The following AKR1D1 variants were observed in gnomAD, a reference collection of about 807,000 sequenced individuals.
AKR1D1 encodes delta(4)-3-ketosteroid 5-beta-reductase.
A neutral mutation model predicts 42.6 loss-of-function variants in AKR1D1; 32 were observed. That is an observed-to-expected ratio of 0.75 (90% CI 0.57 to 1.01). The LOEUF (loss-of-function observed/expected upper bound fraction) is 1.01. AKR1D1 is among the 50% of genes least tolerant of loss of function. AKR1D1 has a pLI of 0.00. For missense variants in AKR1D1, 364 were observed against 402.2 expected (o/e 0.91, Z 0.81); for synonymous variants, 123 against 135.5 (o/e 0.91, Z 0.64).
At position 138,116,808 on chromosome 7, in the gene AKR1D1, T is replaced by C; in HGVS notation, c.*146T>C. 1 of 702,572 alleles carries C rather than the reference T, an allele frequency of 1.4e-6. No homozygotes were observed. The highest frequency in any genetic ancestry group is 2.4e-6 in the Non-Finnish European group (1 of 423,224). 43.5% of individuals were successfully genotyped at this position (702,572 alleles called of 1,614,324 possible). A position where few individuals can be genotyped will look rare whatever the true frequency, so the allele number is the denominator to read the frequency against. On this transcript the variant is annotated 3_prime_UTR_variant, in exon 9 of 9. Coordinates refer to ENST00000242375, the MANE Select transcript of AKR1D1 (RefSeq NM_005989.4). ...GGAAACATGTTTAATGTTTGTGCAG[T>C]GTAAATGACTTTGACTCAGTCACAT...
chr7:138,088,719 A>C lies in AKR1D1; in HGVS notation c.212A>C (p.Lys71Thr). Reference protein sequence around the residue: ...EHEVGEAIREKIAEGKVRRED... With the variant: ...EHEVGEAIRETIAEGKVRRED... ...GAAGTTGGGGAGGCCATCAGGGAGA[A>C]GATAGCAGAAGGAAAGGTGCGGAGG... is the stretch of plus-strand genomic sequence containing the variant. The change falls in exon 2 of 9, where the codon AAG becomes ACG. Residue 71 changes from lysine to threonine, a missense_variant. Lys to Thr is a moderately conservative substitution (Grantham distance 78). Transcript: ENST00000242375. 6.2e-7 allele frequency: 1 copy of C among 1,612,854 alleles called. No homozygotes were observed. The highest frequency in any genetic ancestry group is 1.1e-5 in the South Asian group (1 of 90,786).
chr7:138,093,660 T>C (rs1235051776), intron 3 of AKR1D1, among the ~76,000 whole-genome samples: 1 of 152,068 alleles, frequency 6.6e-6, no homozygotes, highest in South Asian at 2.1e-4. Context: ...GGCGTTTTTT[T>C]ACACTTAACA....
chr7:138,104,652 C>T (rs1308386659), intron 4 of AKR1D1, among the ~76,000 whole-genome samples: 1 of 149,034 alleles, frequency 6.7e-6, no homozygotes, highest in Non-Finnish European at 1.5e-5. Flanking sequence ...CGCACTCTAG[C>T]CTGGGCAACA....
At position 138,116,805 on chromosome 7, in the gene AKR1D1, C is replaced by A; in HGVS notation, c.*143C>A. On this transcript the variant is annotated 3_prime_UTR_variant, in exon 9 of 9. Coordinates refer to ENST00000242375, the MANE Select transcript of AKR1D1 (RefSeq NM_005989.4). ...GATGGAAACATGTTTAATGTTTGTGCAGTGTAAATGACTTTGACTCAGTCA... is the reference window on the plus strand; with the variant it reads ...GATGGAAACATGTTTAATGTTTGTGAAGTGTAAATGACTTTGACTCAGTCA... The A allele has an allele frequency of 2.7e-6, 2 of 743,774 alleles. No individual in the cohort carries two copies. The highest frequency in any genetic ancestry group is 2.4e-4 in the Middle Eastern group (1 of 4,088). The allele number at this position is 743,774 out of a possible 1,614,324, so 46.1% of individuals were successfully genotyped here.
chr7:138,112,220 G>A lies in AKR1D1; in HGVS notation c.856-1470G>A, dbSNP rs1794549467. ...CCAAGACTTAAAGGAGAGGACTAGT[G>A]TTTAGCAAAAAAGAAGTCTGAGTAA... On this transcript the variant is annotated intron_variant, in intron 7 of 8. Coordinates refer to ENST00000242375, the MANE Select transcript of AKR1D1 (RefSeq NM_005989.4). Among the ~76,000 whole-genome samples the A allele has an allele frequency of 5.3e-5, 8 of 152,098 alleles. No individual in the cohort carries two copies. In the South Asian group the frequency reaches 1.7e-3, roughly 31 times the overall value.
intron 7 of AKR1D1, among the ~76,000 whole-genome samples, chr7:138,109,225 G>A (rs956331324): frequency 6.6e-6 from 1 of 152,152 alleles, no homozygotes; most frequent in African/African-American, 2.4e-5. Context: ...CTACATGATA[G>A]AATGCAACTC....
intron 2 of AKR1D1, among the ~76,000 whole-genome samples, chr7:138,091,003 C>T (rs1466372421): frequency 6.6e-6 from 1 of 152,216 alleles, no homozygotes; most frequent in African/African-American, 2.4e-5. Flanking sequence ...ACACGCATAA[C>T]CATATTCCTT....
intron 1 of AKR1D1, among the ~76,000 whole-genome samples, chr7:138,086,141 T>C (rs1328547546): frequency 1.3e-5 from 2 of 152,254 alleles, no homozygotes; most frequent in East Asian, 3.9e-4. Flanking sequence ...AAGCCGAGGC[T>C]GCAGTGAGCC....
At chr7:138,087,891 TTC>T (rs1455485639) in intron 1 of AKR1D1, among the ~76,000 whole-genome samples, 8 of 149,414 alleles carry the variant, frequency 5.4e-5, no homozygotes, top group African/African-American at 1.8e-4. Flanking sequence ...TACATTTCTT[TTC>T]TTTTTTTTTT....
At chr7:138,097,823 T>G in intron 3 of AKR1D1, 43 bp from the exon 4 acceptor site, 1 of 1,420,000 alleles carries the variant, frequency 7.0e-7, no homozygotes, top group Non-Finnish European at 9.8e-7. Context: ...TTCCCAGATA[T>G]AAATAAAATG....
At chr7:138,090,780 A>G (rs1227149571) in intron 2 of AKR1D1, among the ~76,000 whole-genome samples, 1 of 152,212 alleles carries the variant, frequency 6.6e-6, no homozygotes, top group Non-Finnish European at 1.5e-5. Flanking sequence ...TGTCTCAGAC[A>G]CTTAAGGGTA....
intron 1 of AKR1D1, among the ~76,000 whole-genome samples, chr7:138,082,257 A>C (rs1562929921): frequency 6.6e-6 from 1 of 152,148 alleles, no homozygotes; most frequent in Non-Finnish European, 1.5e-5. Context: ...TTTTGTTTAT[A>C]GAATTGCTGT....
At chr7:138,111,400 A>G (rs1794534429) in intron 7 of AKR1D1, among the ~76,000 whole-genome samples, 1 of 152,106 alleles carries the variant, frequency 6.6e-6, no homozygotes, top group Non-Finnish European at 1.5e-5. Flanking sequence ...TACCCTGACC[A>G]TCCCACTGGA....
At chr7:138,100,088 C>CAAAAAAAAAAAAAAAAAAAAAAAAAAAA (rs59361346) in intron 4 of AKR1D1, among the ~76,000 whole-genome samples, 8 of 43,568 alleles carry the variant, frequency 1.8e-4, no homozygotes, top group Non-Finnish European at 2.3e-4. Context: ...GATTTCATCT[C>CAAAAAAAAAAAAAAAAAAAAAAAAAAAA]AAAAAAAAAA....
intron 1 of AKR1D1, among the ~76,000 whole-genome samples, chr7:138,086,414 A>C (rs2117422929): frequency 6.6e-6 from 1 of 152,256 alleles, no homozygotes; most frequent in Non-Finnish European, 1.5e-5. Flanking sequence ...TATTTAATTA[A>C]CCAAACAAAT....
intron 6 of AKR1D1, chr7:138,107,163 T>C (rs1285556610): frequency 6.2e-6 from 4 of 641,314 alleles, no homozygotes; most frequent in South Asian, 4.5e-5. Flanking sequence ...GCTCTCTCTA[T>C]AAGACTCATC....
At chr7:138,102,852 G>A (rs1794344888) in intron 4 of AKR1D1, among the ~76,000 whole-genome samples, 1 of 151,944 alleles carries the variant, frequency 6.6e-6, no homozygotes, top group Non-Finnish European at 1.5e-5. Context: ...GTGATGTCGG[G>A]TTGTTAGCTT....
intron 4 of AKR1D1, among the ~76,000 whole-genome samples, chr7:138,102,763 A>G (rs1307480465): frequency 6.6e-6 from 1 of 152,230 alleles, no homozygotes; most frequent in Non-Finnish European, 1.5e-5. Context: ...TCAATGGGGA[A>G]GGGTAATCTT....
At chr7:138,097,997 C>A in intron 4 of AKR1D1, 54 bp downstream of exon 4, 1 of 1,278,182 alleles carries the variant, frequency 7.8e-7, no homozygotes, top group Non-Finnish European at 1.1e-6. Flanking sequence ...AAACTGTGAT[C>A]TGATTATTCC....
Sources: allele counts gnomAD v4.1 joint callset (sites outside exome capture counted in the v4.1 genomes callset), GRCh38; gene constraint gnomAD v4.1.1; transcripts MANE v1.5; gene names NCBI Gene and HGNC (gene_info 2026-07-23, HGNC 2026-07-21).